The following SPRYD4 variants were observed in gnomAD, a reference collection of about 807,000 sequenced individuals.
SPRYD4 encodes SPRY domain containing 4, also known as SPRY domain-containing protein 4.
A neutral mutation model predicts 16.6 loss-of-function variants in SPRYD4; 12 were observed. The ratio of observed to expected loss-of-function variants is 0.72; its 90% confidence interval spans 0.46 to 1.17. The LOEUF (loss-of-function observed/expected upper bound fraction) is 1.17. Ranked by LOEUF, SPRYD4 falls within the 50% of genes most tolerant of loss-of-function variation. The pLI, the probability that SPRYD4 is intolerant of heterozygous loss-of-function variation, is 0.00. For synonymous variants in SPRYD4, 98 were observed against 105.4 expected (o/e 0.93, Z 0.43); for missense variants, 260 against 260.2 (o/e 1.00, Z 0.00).
Position 56,479,239 on chromosome 12 carries a change from T to TCC in SPRYD4, c.*9662_*9663insCC. ...AGAGAAATGCAGCTGGGACTCACTC[T>TCC]GGAGCCACGGAAATTGGGAATAAAG... is the stretch of plus-strand genomic sequence containing the variant. On this transcript the variant is annotated 3_prime_UTR_variant, in exon 2 of 2. Coordinates refer to ENST00000338146, the MANE Select transcript of SPRYD4 (RefSeq NM_207344.4). 6.3e-7 allele frequency: 1 copy of TCC among 1,589,876 alleles called. No homozygotes were observed. Among genetic ancestry groups the TCC allele is most frequent in the East Asian group, 2.2e-5 (1 of 44,480 alleles).
Position 56,468,610 on chromosome 12 carries a change from C to A in SPRYD4, c.19C>A (p.Arg7Ser). The A allele has an allele frequency of 1.2e-6, 2 of 1,613,702 alleles. No individual in the cohort carries two copies. The highest frequency in any genetic ancestry group is 8.5e-7 in the Non-Finnish European group (1 of 1,179,974). MALLFARSLRLCRWGAK... is the reference protein window; with the variant it reads MALLFASSLRLCRWGAK... Reference sequence around the variant, plus strand: ...GCGCAAGATGGCGCTGCTTTTTGCACGTTCTTTGCGCTTGTGCCGCTGGGG... The same window carrying A: ...GCGCAAGATGGCGCTGCTTTTTGCAAGTTCTTTGCGCTTGTGCCGCTGGGG... The change falls in exon 1 of 2, where the codon CGT becomes AGT. Residue 7 changes from arginine (R) to serine (S), a missense_variant. By Grantham distance (110) the Arg-to-Ser change is moderately radical (BLOSUM62 -1). Coordinates refer to ENST00000338146, the MANE Select transcript of SPRYD4 (RefSeq NM_207344.4).
chr12:56,471,883 C>A lies in SPRYD4; in HGVS notation c.*2306C>A, dbSNP rs953259692. On this transcript the variant is annotated 3_prime_UTR_variant, in exon 2 of 2. Transcript: ENST00000338146. ...AAATGAGAAGGCGCAGGTCTTGAAC[C>A]CTTTGGTGCAGACACTTAGCCACTG... The A allele has an allele frequency of 6.3e-7, 1 of 1,588,440 alleles. No individual in the cohort carries two copies. Among genetic ancestry groups the A allele is most frequent in the African/African-American group, 1.3e-5 (1 of 74,474 alleles).
rs1869353307 is a variant in SPRYD4, at chr12:56,472,274, C to A, written c.*2697C>A. 7 of 1,314,062 alleles carry A rather than the reference C, an allele frequency of 5.3e-6. No individual in the cohort carries two copies. Among genetic ancestry groups the A allele is most frequent in the Non-Finnish European group, 7.7e-6 (7 of 911,728 alleles). The allele number at this position is 1,314,062 out of a possible 1,614,324, so 81.4% of individuals were successfully genotyped here. A position where few individuals can be genotyped will look rare whatever the true frequency, so the allele number is the denominator to read the frequency against. ...GTGTTCTTTGTGAACTGGTGTCAGA[C>A]TGGATGAGTTTCAGAGAAAGTGAAA... is the stretch of plus-strand genomic sequence containing the variant. On this transcript the variant is annotated 3_prime_UTR_variant, in exon 2 of 2. Coordinates refer to ENST00000338146, the MANE Select transcript of SPRYD4 (RefSeq NM_207344.4).
At position 56,473,303 on chromosome 12, in the gene SPRYD4, G is replaced by A. The variant is rs751278424; in HGVS notation, c.*3726G>A. On this transcript the variant is annotated 3_prime_UTR_variant, in exon 2 of 2. Transcript: ENST00000338146. ...TCAGGTTGTCATAGTTGTGGAAATTGAAGAGAGACACCAACTTCTAGAATT... is the reference window on the plus strand; with the variant it reads ...TCAGGTTGTCATAGTTGTGGAAATTAAAGAGAGACACCAACTTCTAGAATT... 2.5e-6 allele frequency: 4 copies of A among 1,614,068 alleles called. No homozygotes were observed. Among genetic ancestry groups the A allele is most frequent in the Non-Finnish European group, 3.4e-6 (4 of 1,180,056 alleles).
Position 56,478,249 on chromosome 12 carries a change from A to G in SPRYD4, c.*8672A>G. ...TGGGTTTGACTTGGCCAGCTGAGGG[A>G]TGTAGGCTGCCACCTGGACATGAGT... On this transcript the variant is annotated 3_prime_UTR_variant, in exon 2 of 2. Coordinates refer to ENST00000338146, the MANE Select transcript of SPRYD4 (RefSeq NM_207344.4). The G allele has an allele frequency of 6.2e-7, 1 of 1,614,210 alleles. No homozygotes were observed. Among genetic ancestry groups the G allele is most frequent in the Non-Finnish European group, 8.5e-7 (1 of 1,180,032 alleles).
rs1869701918 is a variant in SPRYD4 at position 56,475,235 on chromosome 12, C to T, written c.*5658C>T. 6.3e-7 allele frequency: 1 copy of T among 1,592,206 alleles called. No homozygotes were observed. Among genetic ancestry groups the T allele is most frequent in the African/African-American group, 1.3e-5 (1 of 74,822 alleles). On this transcript the variant is annotated 3_prime_UTR_variant, in exon 2 of 2. Coordinates refer to ENST00000338146, the MANE Select transcript of SPRYD4 (RefSeq NM_207344.4). ...ACAAACTAAATGAACCCCTTTATAACTTCTCACAGTAATATTAGAGGAAAT... is the reference window on the plus strand; with the variant it reads ...ACAAACTAAATGAACCCCTTTATAATTTCTCACAGTAATATTAGAGGAAAT...
chr12:56,476,312 C>A lies in SPRYD4; in HGVS notation c.*6735C>A. The A allele has an allele frequency of 3.3e-6, 1 of 303,204 alleles. No individual in the cohort carries two copies. Among genetic ancestry groups the A allele is most frequent in the Non-Finnish European group, 6.3e-6 (1 of 158,936 alleles). The allele number at this position is 303,204 out of a possible 1,614,324, so 18.8% of individuals were successfully genotyped here. On this transcript the variant is annotated 3_prime_UTR_variant, in exon 2 of 2. Coordinates refer to ENST00000338146, the MANE Select transcript of SPRYD4 (RefSeq NM_207344.4). ...AAGTAGCTCGGATTACAGGCATGAG[C>A]CAGCTTGCTGGGCCATCCCACTTCC...
chr12:56,472,885 C>CTTTTTTTTTTT lies in SPRYD4; in HGVS notation c.*3318_*3328dup. On this transcript the variant is annotated 3_prime_UTR_variant, in exon 2 of 2. Coordinates refer to ENST00000338146, the MANE Select transcript of SPRYD4 (RefSeq NM_207344.4). The stretch of plus-strand genomic sequence containing the variant: ...ATGGAATGTGCTACTCTGAAATATT[C>CTTTTTTTTTTT]TTTTTTTTTTTTTTTTTTTTGAGAC... The CTTTTTTTTTTT allele has an allele frequency of 2.5e-6, 1 of 399,736 alleles. No individual in the cohort carries two copies. The highest frequency in any genetic ancestry group is 2.7e-5 in the South Asian group (1 of 37,264). 24.8% of individuals were successfully genotyped at this position (399,736 alleles called of 1,614,324 possible).
Position 56,478,126 on chromosome 12 carries a change from T to C in SPRYD4, c.*8549T>C, listed in dbSNP as rs997264847. 3 of 1,614,014 alleles carry C rather than the reference T, an allele frequency of 1.9e-6. No individual in the cohort carries two copies. The highest frequency in any genetic ancestry group is 2.5e-6 in the Non-Finnish European group (3 of 1,179,948). ...AGGCAGACAGATGCCATGAAAGGGG[T>C]TGGCCTGTGTTCGGCACCTGTGCCC... On this transcript the variant is annotated 3_prime_UTR_variant, in exon 2 of 2. Coordinates refer to ENST00000338146, the MANE Select transcript of SPRYD4 (RefSeq NM_207344.4).
chr12:56,475,547 C>A lies in SPRYD4; in HGVS notation c.*5970C>A. On this transcript the variant is annotated 3_prime_UTR_variant, in exon 2 of 2. Transcript: ENST00000338146. The stretch of plus-strand genomic sequence containing the variant: ...CTTCCTCCTAAGATTCTCTCTCCCC[C>A]ATTCCTCTTGTCCCCATCCTAAGTA... 2 of 1,446,704 alleles carry A rather than the reference C, an allele frequency of 1.4e-6. No individual in the cohort carries two copies. Among genetic ancestry groups the A allele is most frequent in the Non-Finnish European group, 1.9e-6 (2 of 1,037,558 alleles). 89.6% of individuals were successfully genotyped at this position (1,446,704 alleles called of 1,614,324 possible). A position where few individuals can be genotyped will look rare whatever the true frequency, so the allele number is the denominator to read the frequency against.
rs1282660574 is a variant in SPRYD4, at chr12:56,471,109, G to A, written c.*1532G>A. On this transcript the variant is annotated 3_prime_UTR_variant, in exon 2 of 2. Coordinates refer to ENST00000338146, the MANE Select transcript of SPRYD4 (RefSeq NM_207344.4). ...CCATTCCCACTTCCCATATTCTGTG[G>A]ATATGTACATGTGCATGGTAGCTAG... 3 of 377,418 alleles carry A rather than the reference G, an allele frequency of 7.9e-6. No individual in the cohort carries two copies. Among genetic ancestry groups the A allele is most frequent in the Non-Finnish European group, 4.7e-6 (1 of 213,022 alleles). 23.4% of individuals were successfully genotyped at this position (377,418 alleles called of 1,614,324 possible).
rs1869996925 is a variant in SPRYD4, at chr12:56,478,218, C to A, written c.*8641C>A. ...CCACAGTGCACAGGGAGACACCCCA[C>A]AGGTCTGGGTTTGACTTGGCCAGCT... On this transcript the variant is annotated 3_prime_UTR_variant, in exon 2 of 2. Transcript: ENST00000338146. The A allele has an allele frequency of 6.2e-7, 1 of 1,614,116 alleles. No individual in the cohort carries two copies. The highest frequency in any genetic ancestry group is 1.1e-5 in the South Asian group (1 of 91,090).
rs1565703564 is a variant in SPRYD4 at position 56,475,626 on chromosome 12, G to A, written c.*6049G>A. ...CAGTCCTCTGAGTAGGGACTTACGT[G>A]GCATTGCTGAAACCCATGTATTCAT... On this transcript the variant is annotated 3_prime_UTR_variant, in exon 2 of 2. Coordinates refer to ENST00000338146, the MANE Select transcript of SPRYD4 (RefSeq NM_207344.4). The A allele has an allele frequency of 2.5e-6, 4 of 1,614,054 alleles. No individual in the cohort carries two copies. The highest frequency in any genetic ancestry group is 1.7e-6 in the Non-Finnish European group (2 of 1,179,970).
At position 56,472,712 on chromosome 12, in the gene SPRYD4, C is replaced by CA. The variant is rs1204786542; in HGVS notation, c.*3136dup. ...TACCTTCGAAGAGCTGAGACATCGC[C>CA]ACTATAGGCAGCAAATAACAGGTTG... On this transcript the variant is annotated 3_prime_UTR_variant, in exon 2 of 2. Transcript: ENST00000338146. 6.2e-7 allele frequency: 1 copy of CA among 1,613,830 alleles called. No individual in the cohort carries two copies. Among genetic ancestry groups the CA allele is most frequent in the Admixed American group, 1.7e-5 (1 of 59,982 alleles).
At position 56,473,728 on chromosome 12, in the gene SPRYD4, A is replaced by G; in HGVS notation, c.*4151A>G. 1 of 1,093,774 alleles carries G rather than the reference A, an allele frequency of 9.1e-7. No homozygotes were observed. Among genetic ancestry groups the G allele is most frequent in the East Asian group, 2.7e-5 (1 of 37,428 alleles). The allele number at this position is 1,093,774 out of a possible 1,614,324, so 67.8% of individuals were successfully genotyped here. Reference sequence around the variant, plus strand: ...TCCACCTCAACCTTTTGGCTTGTTAATTAGCTTCTTTTATTACTCCTGTCC... The same window carrying G: ...TCCACCTCAACCTTTTGGCTTGTTAGTTAGCTTCTTTTATTACTCCTGTCC... On this transcript the variant is annotated 3_prime_UTR_variant, in exon 2 of 2. Coordinates refer to ENST00000338146, the MANE Select transcript of SPRYD4 (RefSeq NM_207344.4).
chr12:56,469,086 C>G lies in SPRYD4; in HGVS notation c.133C>G (p.Leu45Val), dbSNP rs1869121103. 1 of 1,602,772 alleles carries G rather than the reference C, an allele frequency of 6.2e-7. No homozygotes were observed. The highest frequency in any genetic ancestry group is 8.5e-7 in the Non-Finnish European group (1 of 1,173,346). Reference sequence around the variant, plus strand: ...AAAAACCGCCCACAGCAGCCTGGCACTCTTCAGAGATGATACGGGTGTCAA... The same window carrying G: ...AAAAACCGCCCACAGCAGCCTGGCAGTCTTCAGAGATGATACGGGTGTCAA... ...EEKTAHSSLALFRDDTGVKYG... is the reference protein window; with the variant it reads ...EEKTAHSSLAVFRDDTGVKYG... Residue 45 changes from leucine (L) to valine (V), a missense_variant, in exon 2 of 2, where the codon CTC (leucine) becomes GTC (valine). By Grantham distance (32) the Leu-to-Val change is conservative (BLOSUM62 1). Coordinates refer to ENST00000338146, the MANE Select transcript of SPRYD4 (RefSeq NM_207344.4).
In SPRYD4 at chr12:56,472,833, T is replaced by C; in HGVS notation, c.*3256T>C. ...CCCTGTGACCCTCCTCCATGGATGC[T>C]TAGTCCAAGGGTATTGCTGAAGTGT... On this transcript the variant is annotated 3_prime_UTR_variant, in exon 2 of 2. Coordinates refer to ENST00000338146, the MANE Select transcript of SPRYD4 (RefSeq NM_207344.4). 1.8e-6 allele frequency: 2 copies of C among 1,127,240 alleles called. No individual in the cohort carries two copies. The highest frequency in any genetic ancestry group is 2.7e-6 in the Non-Finnish European group (2 of 737,248). The allele number at this position is 1,127,240 out of a possible 1,614,324, so 69.8% of individuals were successfully genotyped here.
Sources: gnomAD v4.1 joint callset for allele counts on GRCh38, gnomAD v4.1.1 for gene constraint, MANE v1.5 for transcripts, NCBI Gene and HGNC (gene_info 2026-07-23, HGNC 2026-07-21) for gene names.